Variants in CLCN5 observed in about 807,000 individuals in gnomAD.
The protein encoded by CLCN5 is Cl-/H+ antiporter 5.
In CLCN5, 17 loss-of-function variants were observed where a neutral mutation model predicts 54.0. The ratio of observed to expected loss-of-function variants is 0.31; its 90% CI spans 0.22 to 0.47. The LOEUF (loss-of-function observed/expected upper bound fraction) is 0.47. Ranked by LOEUF, CLCN5 falls within the 20% of genes least tolerant of loss-of-function variation. The pLI, the probability that CLCN5 is intolerant of heterozygous loss-of-function variation, is 1.00. For synonymous variants in CLCN5, 222 were observed against 233.0 expected, an observed-to-expected ratio of 0.95 and a Z score of 0.43; for missense variants, 448 against 646.7, an observed-to-expected ratio of 0.69 and a Z score of 3.33.
intron 3 of CLCN5, among the ~76,000 whole-genome samples, chrX:50,033,889 G>T (rs1931858730): frequency 8.9e-6 from 1 of 111,776 alleles, no homozygotes; most frequent in African/African-American, 3.3e-5. Flanking sequence ...GAGAACTGCT[G>T]CTCTGGTATT....
At chrX:49,992,890 G>A (rs1557179187) in intron 3 of CLCN5, among the ~76,000 whole-genome samples, 3 of 112,121 alleles carry the variant, frequency 2.7e-5, no homozygotes. Flanking sequence ...TCTAACTGTT[G>A]CAGTTACTGT....
intron 4 of CLCN5, among the ~76,000 whole-genome samples, chrX:50,048,939 G>A (rs1557188032): frequency 9.0e-6 from 1 of 110,767 alleles, no homozygotes; most frequent in Non-Finnish European, 1.9e-5. Context: ...ATGAATATAT[G>A]TATATGTAAC....
chrX:50,073,080 T>A (rs1308294834), intron 6 of CLCN5, among the ~76,000 whole-genome samples: 2 of 110,380 alleles, frequency 1.8e-5, no homozygotes, highest in Non-Finnish European at 1.9e-5. Context: ...GGGGGTGGAA[T>A]GGTGCCACCT....
intron 4 of CLCN5, among the ~76,000 whole-genome samples, chrX:50,067,370 C>T (rs782002456): frequency 2.9e-4 from 32 of 111,716 alleles, no homozygotes; most frequent in Non-Finnish European, 5.5e-4. Flanking sequence ...ACTTTGCCTT[C>T]TTGGACTTTC....
At chrX:49,942,737 T>C (rs1410239061) in intron 3 of CLCN5, among the ~76,000 whole-genome samples, 5 of 110,614 alleles carry the variant, frequency 4.5e-5, no homozygotes, top group African/African-American at 1.7e-4. Context: ...CATGAACTCA[T>C]CCTTTTTTAT....
intron 3 of CLCN5, among the ~76,000 whole-genome samples, chrX:50,033,346 A>G (rs1166476136): frequency 9.0e-6 from 1 of 111,583 alleles, no homozygotes; most frequent in Non-Finnish European, 1.9e-5. Flanking sequence ...CAATGTACAA[A>G]AATCACAATC....
At chrX:49,933,606 G>A (rs1171435972) in intron 3 of CLCN5, among the ~76,000 whole-genome samples, 1 of 111,974 alleles carries the variant, frequency 8.9e-6, no homozygotes, top group Non-Finnish European at 1.9e-5. Flanking sequence ...GTCACTACTA[G>A]CCATGTGACT....
chrX:50,078,754 A>G (rs782251016), intron 7 of CLCN5, among the ~76,000 whole-genome samples: 8 of 112,715 alleles, frequency 7.1e-5, no homozygotes, highest in African/African-American at 2.3e-4. Context: ...CTCTAGTGAC[A>G]GATTTCTCTG....
intron 7 of CLCN5, among the ~76,000 whole-genome samples, chrX:50,080,368 A>G (rs1404586754): frequency 9.0e-6 from 1 of 110,903 alleles, no homozygotes; most frequent in Non-Finnish European, 1.9e-5. Context: ...CTTAGAATCC[A>G]TGGTAAATTT....
At chrX:49,937,047 C>T (rs1213354572) in intron 3 of CLCN5, among the ~76,000 whole-genome samples, 1 of 111,396 alleles carries the variant, frequency 9.0e-6, no homozygotes, top group Admixed American at 9.6e-5. Flanking sequence ...GATTGTGCCA[C>T]TGCACTCCAG....
chrX:50,075,991 T>C lies in CLCN5; in HGVS notation c.603+9T>C. 2 of 1,194,854 alleles carry C rather than the reference T, an allele frequency of 1.7e-6. No individual in the cohort carries two copies. The highest frequency in any genetic ancestry group is 2.3e-6 in the Non-Finnish European group (2 of 880,056). ...TCATCAGCACAGATGAGGTAACATGTAGTGATGTTTTATGAGCCATTGACT... is the reference window on the plus strand; with the variant it reads ...TCATCAGCACAGATGAGGTAACATGCAGTGATGTTTTATGAGCCATTGACT... On this transcript the variant is annotated intron_variant, in intron 7 of 14. Coordinates refer to ENST00000376091, the MANE Select transcript of CLCN5 (RefSeq NM_001127898.4).
At chrX:49,969,264 G>A (rs1425364927) in intron 3 of CLCN5, among the ~76,000 whole-genome samples, 3 of 111,315 alleles carry the variant, frequency 2.7e-5, no homozygotes, top group Non-Finnish European at 5.7e-5. Flanking sequence ...TTTTAGTAGA[G>A]ACAGGGTTTT....
chrX:50,067,173 A>T (rs188693739), intron 4 of CLCN5, among the ~76,000 whole-genome samples: 16 of 112,052 alleles, frequency 1.4e-4, no homozygotes, highest in African/African-American at 4.9e-4. Flanking sequence ...TTTTGAACTT[A>T]GAGGCATAGA....
At chrX:50,010,271 T>G (rs1930434510) in intron 3 of CLCN5, among the ~76,000 whole-genome samples, 1 of 109,093 alleles carries the variant, frequency 9.2e-6, no homozygotes, top group African/African-American at 3.4e-5. Flanking sequence ...GATGGAGTAT[T>G]GCTCTGTTGC....
rs1934287370 is a variant in CLCN5 at position 50,097,148 on chromosome X, T to C, written c.*4929T>C. The C allele has an allele frequency of 8.9e-6, 1 of 112,421 alleles. No homozygotes were observed. Among genetic ancestry groups the C allele is most frequent in the South Asian group, 3.7e-4 (1 of 2,713 alleles). 9.3% of individuals were successfully genotyped at this position (112,421 alleles called of 1,213,427 possible). On this transcript the variant is annotated 3_prime_UTR_variant, in exon 15 of 15. Coordinates refer to ENST00000376091, the MANE Select transcript of CLCN5 (RefSeq NM_001127898.4). ...GTCCTGGGGTGATCGCTGACTCTGC[T>C]CTGTTTCATATTTCAGTTGCTTGCT...
intron 3 of CLCN5, among the ~76,000 whole-genome samples, chrX:49,955,434 C>A (rs181186652): frequency 9.1e-6 from 1 of 109,381 alleles, no homozygotes; most frequent in African/African-American, 3.3e-5. Context: ...TGTTTAGTCA[C>A]CCCCCAGCCC....
At chrX:50,072,453 T>G (rs782311071) in intron 5 of CLCN5, 36 bp from the exon 6 acceptor site, 1 of 945,720 alleles carries the variant, frequency 1.1e-6, no homozygotes, top group Non-Finnish European at 1.5e-6. Flanking sequence ...AAATGGTGTG[T>G]GTAGAGTGTA....
At chrX:50,076,241 A>G (rs1933399189) in intron 7 of CLCN5, among the ~76,000 whole-genome samples, 1 of 112,053 alleles carries the variant, frequency 8.9e-6, no homozygotes. Context: ...CTTAGGTACT[A>G]GTACATAGTG....
chrX:50,055,608 A>G (rs1291244730), intron 4 of CLCN5, among the ~76,000 whole-genome samples: 1 of 111,968 alleles, frequency 8.9e-6, no homozygotes, highest in African/African-American at 3.2e-5. Flanking sequence ...TTCCAGTTGC[A>G]TTGCTAGTAT....
Sources: allele counts gnomAD v4.1 joint callset (sites outside exome capture counted in the v4.1 genomes callset), GRCh38; gene constraint gnomAD v4.1.1; transcripts MANE v1.5; gene names NCBI Gene and HGNC (gene_info 2026-07-23, HGNC 2026-07-21).